ADGRD1: variants seen among roughly 807,000 people sequenced by gnomAD.
ADGRD1 encodes adhesion G protein-coupled receptor D1.
In ADGRD1, 77 loss-of-function variants were observed where a neutral mutation model predicts 113.4. The ratio of observed to expected loss-of-function variants is 0.68; its 90% CI spans 0.57 to 0.82. The LOEUF (loss-of-function observed/expected upper bound fraction) is 0.82. Among genes scored for constraint, ADGRD1 ranks in the 40% least tolerant of loss-of-function variants. ADGRD1 has a pLI of 0.00. For missense variants in ADGRD1, 1,036 were observed against 1,139.1 expected (o/e 0.91, Z 1.30); for synonymous variants, 474 against 475.0 (o/e 1.00, Z 0.03).
chr12:131,102,285 G>A (rs1471587171), intron 15 of ADGRD1, among the ~76,000 whole-genome samples: 2 of 152,194 alleles, frequency 1.3e-5, no homozygotes, highest in South Asian at 4.1e-4. Context: ...CTCTTGGCCC[G>A]TCGGTCTGCA....
At chr12:130,990,424 G>C (rs767854887) in intron 6 of ADGRD1, 2 of 152,290 alleles carry the variant, frequency 1.3e-5, no homozygotes, top group Non-Finnish European at 2.9e-5. Flanking sequence ...GCAGAGAACA[G>C]CAAATCATGG....
At chr12:131,111,594 A>G (rs1317054017) in intron 18 of ADGRD1, among the ~76,000 whole-genome samples, 3 of 148,036 alleles carry the variant, frequency 2.0e-5, no homozygotes, top group Non-Finnish European at 3.0e-5. Context: ...AGCTTCTAAG[A>G]CTCTTGATTT....
chr12:131,104,685 A>G, intron 15 of ADGRD1, 146 bp from the exon 16 acceptor site: 1 of 566,584 alleles, frequency 1.8e-6, no homozygotes, highest in African/African-American at 1.9e-5. Flanking sequence ...GGTGGCAGCA[A>G]CAGACATTTG....
intron 13 of ADGRD1, among the ~76,000 whole-genome samples, chr12:131,064,627 A>T (rs922606897): frequency 6.6e-6 from 1 of 152,250 alleles, no homozygotes; most frequent in South Asian, 2.1e-4. Flanking sequence ...AAACACTGTA[A>T]GGAAAAGTGT....
intron 13 of ADGRD1, among the ~76,000 whole-genome samples, chr12:131,030,375 T>C (rs995205924): frequency 1.3e-5 from 2 of 152,232 alleles, no homozygotes; most frequent in Non-Finnish European, 2.9e-5. Flanking sequence ...CCTTCCAGAC[T>C]GTGCCGCTGA....
rs1279419122 is a variant in ADGRD1 at position 130,997,051 on chromosome 12, G to A, written c.967-3332G>A. 1.1e-3 allele frequency among the ~76,000 whole-genome samples: 148 copies of A among 131,020 alleles called. 1 individual carries two copies. Among genetic ancestry groups the A allele is most frequent in the Non-Finnish European group, 2.1e-3 (127 of 59,738 alleles). 86.0% of individuals were successfully genotyped at this position (131,020 alleles called of 152,430 possible). On this transcript the variant is annotated intron_variant, in intron 8 of 24. Transcript: ENST00000261654. ...CCTCCCGGACGGGGCGGCTGGCCAG[G>A]CAGAGGGGCTCCTCACTTCCCAGTA...
chr12:131,070,851 T>G (rs771456570), intron 13 of ADGRD1: 6 of 518,926 alleles, frequency 1.2e-5, no homozygotes, highest in Non-Finnish European at 3.8e-6. Context: ...CCTGCCCATG[T>G]GGTCATGGAG....
rs545647922 is a variant in ADGRD1 at position 131,057,522 on chromosome 12, G to A, written c.1474-19279G>A. ...AGCTAGTTCGTTCTGGAGGCTCAGC[G>A]GGAACGTCCACCCCTGCCTGTCTCC... is the stretch of plus-strand genomic sequence containing the variant. On this transcript the variant is annotated intron_variant, in intron 13 of 24. Coordinates refer to ENST00000261654, the MANE Select transcript of ADGRD1 (RefSeq NM_198827.5). This position sits in a 1 kb window ranked among gnomAD's most constrained non-coding sequence, Gnocchi z 4.2. 3.5e-4 allele frequency among the ~76,000 whole-genome samples: 54 copies of A among 152,244 alleles called. No homozygotes were observed. The highest frequency in any genetic ancestry group is 1.2e-3 in the African/African-American group (51 of 41,558).
chr12:130,961,797 G>C (rs1003727406), intron 2 of ADGRD1, among the ~76,000 whole-genome samples: 3 of 151,996 alleles, frequency 2.0e-5, no homozygotes, highest in South Asian at 4.2e-4. Context: ...TTAAAAAATT[G>C]CTAACATTAA....
Position 131,096,791 on chromosome 12 carries a change from G to T in ADGRD1, c.1672-8040G>T, listed in dbSNP as rs1887315798. The stretch of plus-strand genomic sequence containing the variant: ...AAGCAGCCATCGTCTGGGGCACAGT[G>T]GGGACTCAGCCCTGAGTTCCCAGTC... On this transcript the variant is annotated intron_variant, in intron 15 of 24. Transcript: ENST00000261654. The surrounding 1 kb of genome is among the most constrained non-coding windows in gnomAD (Gnocchi z 5.2). Among the ~76,000 whole-genome samples the T allele has an allele frequency of 6.6e-6, 1 of 152,200 alleles. No homozygotes were observed. Among genetic ancestry groups the T allele is most frequent in the South Asian group, 2.1e-4 (1 of 4,830 alleles).
rs957355318 is a variant in ADGRD1, at chr12:131,084,403, T to C, written c.1548-137T>C. 14 of 836,942 alleles carry C rather than the reference T, an allele frequency of 1.7e-5. No homozygotes were observed. The Admixed American group carries it at 1.8e-4, about 10-fold the overall frequency. 51.8% of individuals were successfully genotyped at this position (836,942 alleles called of 1,614,324 possible). On this transcript the variant is annotated intron_variant, in intron 14 of 24. Transcript: ENST00000261654. The surrounding 1 kb of genome is among the most constrained non-coding windows in gnomAD (Gnocchi z 4.5). ...CCCAACCCCCACACCACGGTCTGGGTGTGCATTCCTGGCGTGGCAGGTGTG... is the reference window on the plus strand; with the variant it reads ...CCCAACCCCCACACCACGGTCTGGGCGTGCATTCCTGGCGTGGCAGGTGTG...
intron 20 of ADGRD1, among the ~76,000 whole-genome samples, chr12:131,122,441 C>T (rs1950621408): frequency 6.6e-6 from 1 of 152,170 alleles, no homozygotes; most frequent in African/African-American, 2.4e-5. Context: ...GGATCACCTG[C>T]CATCGCTTTA....
Position 131,002,705 on chromosome 12 carries a change from C to T in ADGRD1, c.1027-480C>T, listed in dbSNP as rs113644343. 5.6e-4 allele frequency: 681 copies of T among 1,215,246 alleles called. 6 individuals are homozygous for T. In the African/African-American group the frequency reaches 0.01, roughly 18 times the overall value. 75.3% of individuals were successfully genotyped at this position (1,215,246 alleles called of 1,614,324 possible). On this transcript the variant is annotated intron_variant, in intron 9 of 24. Transcript: ENST00000261654. ...AAGGCAAGCTCCTGGGAAGTCAAGG[C>T]AGCCAGAGATAGCTCTGGGTGCCGG...
intron 20 of ADGRD1, among the ~76,000 whole-genome samples, chr12:131,121,284 A>C (rs1011630643): frequency 1.2e-4 from 19 of 152,230 alleles, no homozygotes; most frequent in African/African-American, 4.3e-4. Context: ...AAGGCTGCAG[A>C]GGGGAATCTC....
At chr12:131,099,456 C>G (rs1290216830) in intron 15 of ADGRD1, among the ~76,000 whole-genome samples, 2 of 152,302 alleles carry the variant, frequency 1.3e-5, no homozygotes, top group Admixed American at 1.3e-4. Context: ...AGGCAGTGAG[C>G]CACTATCAGG....
intron 12 of ADGRD1, among the ~76,000 whole-genome samples, chr12:131,010,805 C>T (rs192193517): frequency 1.3e-5 from 2 of 152,132 alleles, no homozygotes; most frequent in Admixed American, 6.5e-5. Context: ...AATGGGGGCA[C>T]GCTGCTTTCC....
intron 20 of ADGRD1, among the ~76,000 whole-genome samples, chr12:131,128,752 T>C (rs55906659): frequency 0.093 from 14,088 of 152,176 alleles, 657 homozygotes; most frequent in Middle Eastern, 0.13. Context: ...TCAGTGTATG[T>C]GGGGTGTGGC....
chr12:130,987,715 A>T (rs12828967), intron 6 of ADGRD1: 29,746 of 306,636 alleles, frequency 0.097, 1,816 homozygotes, highest in Middle Eastern at 0.16. Context: ...AAAGCCCCGA[A>T]GATACCTCTT....
At chr12:131,059,452 A>G (rs2137078121) in intron 13 of ADGRD1, among the ~76,000 whole-genome samples, 1 of 152,332 alleles carries the variant, frequency 6.6e-6, no homozygotes, top group Non-Finnish European at 1.5e-5. Flanking sequence ...AATTGCTGGG[A>G]TTACAGACGT....
Sources: allele counts gnomAD v4.1 joint callset (sites outside exome capture counted in the v4.1 genomes callset), GRCh38; gene constraint gnomAD v4.1.1; non-coding constraint Gnocchi (gnomAD v3.1); transcripts MANE v1.5; gene names NCBI Gene and HGNC (gene_info 2026-07-23, HGNC 2026-07-21).